SAMD5: variants seen among roughly 807,000 people sequenced by gnomAD.
The protein encoded by SAMD5 is sterile alpha motif domain containing 5, also known as sterile alpha motif domain-containing protein 5.
In SAMD5, 13 loss-of-function variants were observed where a neutral mutation model predicts 11.3. That is an observed-to-expected ratio of 1.15 (90% CI 0.75 to 1.83). SAMD5 has a LOEUF of 1.83. Ranked by LOEUF, SAMD5 falls within the 40% of genes most tolerant of loss-of-function variation. The probability of loss-of-function intolerance (pLI) is 0.00; values close to 1 mark genes in which losing one functional copy is unlikely to be tolerated. For missense variants in SAMD5, 255 were observed against 239.1 expected (o/e 1.07, Z -0.44); for synonymous variants, 129 against 111.3 (o/e 1.16, Z -1.00).
intron 1 of SAMD5, among the ~76,000 whole-genome samples, chr6:147,658,078 C>T (rs1486821616): frequency 6.6e-6 from 1 of 152,178 alleles, no homozygotes; most frequent in Non-Finnish European, 1.5e-5. Flanking sequence ...GGGACTTACA[C>T]AGGTGGTAAA....
chr6:147,900,437 G>A, the SAMD5 span, among the ~76,000 whole-genome samples: 32,111 of 152,074 alleles, frequency 0.21, 3,435 homozygotes, highest in Non-Finnish European at 0.23. Flanking sequence ...GCAAAAGTGT[G>A]CACACAGGTC....
intron 1 of SAMD5, among the ~76,000 whole-genome samples, chr6:147,678,959 C>A (rs188364625): frequency 6.6e-6 from 1 of 152,150 alleles, no homozygotes; most frequent in African/African-American, 2.4e-5. Context: ...CTCAATAGTT[C>A]ATTGCTTTTT....
At chr6:147,882,172 ATTC>A in the SAMD5 span, among the ~76,000 whole-genome samples, 1 of 152,200 alleles carries the variant, frequency 6.6e-6, no homozygotes, top group Admixed American at 6.5e-5. Flanking sequence ...AATGATTCCT[ATTC>A]TTTGTCCTCT....
chr6:147,949,507 G>C, the SAMD5 span, among the ~76,000 whole-genome samples: 1 of 152,292 alleles, frequency 6.6e-6, no homozygotes, highest in African/African-American at 2.4e-5. Context: ...TTGGGATAAA[G>C]TCTATTTTTA....
At chr6:147,658,418 T>G (rs1000124497) in intron 1 of SAMD5, among the ~76,000 whole-genome samples, 2 of 150,876 alleles carry the variant, frequency 1.3e-5, no homozygotes, top group African/African-American at 4.8e-5. Flanking sequence ...GGTTTATTTA[T>G]TTATTTATTC....
chr6:147,772,617 C>T, the SAMD5 span, among the ~76,000 whole-genome samples: 22 of 152,094 alleles, frequency 1.4e-4, no homozygotes, highest in African/African-American at 5.3e-4. Context: ...TTCCAGGCCT[C>T]AGTGCTTGGC....
At chr6:147,529,827 A>G (rs1414569984) in intron 1 of SAMD5, among the ~76,000 whole-genome samples, 1 of 152,236 alleles carries the variant, frequency 6.6e-6, no homozygotes, top group Non-Finnish European at 1.5e-5. Context: ...TTTGTACTAT[A>G]AGACTGTTTT....
intron 1 of SAMD5, among the ~76,000 whole-genome samples, chr6:147,521,864 A>G (rs1435464468): frequency 7.3e-6 from 1 of 137,326 alleles, no homozygotes; most frequent in Non-Finnish European, 1.6e-5. Context: ...AACAAGAACG[A>G]CAACTTTTTT....
intron 1 of SAMD5, among the ~76,000 whole-genome samples, chr6:147,730,809 C>T (rs1315131982): frequency 6.6e-6 from 1 of 152,116 alleles, no homozygotes; most frequent in Non-Finnish European, 1.5e-5. Context: ...CTACAGTGTT[C>T]TGTGTTTTGG....
At chr6:147,577,778 T>G (rs1405233170) in intron 1 of SAMD5, among the ~76,000 whole-genome samples, 1 of 151,828 alleles carries the variant, frequency 6.6e-6, no homozygotes, top group Non-Finnish European at 1.5e-5. Context: ...AAATAGCCAT[T>G]TTCATAAGGA....
chr6:147,809,184 A>T, the SAMD5 span, among the ~76,000 whole-genome samples: 2 of 151,838 alleles, frequency 1.3e-5, no homozygotes, highest in Non-Finnish European at 2.9e-5. Context: ...TTCCTTCTGC[A>T]TACATTATTT....
At chr6:147,839,559 G>A in the SAMD5 span, among the ~76,000 whole-genome samples, 2 of 152,056 alleles carry the variant, frequency 1.3e-5, no homozygotes, top group Non-Finnish European at 1.5e-5. Context: ...AGACCACCCC[G>A]GCCAACATGG....
chr6:147,812,281 T>C, the SAMD5 span, among the ~76,000 whole-genome samples: 1 of 152,206 alleles, frequency 6.6e-6, no homozygotes, highest in Non-Finnish European at 1.5e-5. Context: ...GCAGTGTTTA[T>C]ATGGAAGAGG....
the SAMD5 span, among the ~76,000 whole-genome samples, chr6:147,798,826 CCTT>C: frequency 1.3e-5 from 2 of 152,084 alleles, no homozygotes; most frequent in Non-Finnish European, 2.9e-5. Flanking sequence ...TATGTAATGG[CCTT>C]CTTTGTCTCT....
the SAMD5 span, among the ~76,000 whole-genome samples, chr6:147,788,612 C>T: frequency 2.6e-5 from 4 of 152,092 alleles, no homozygotes; most frequent in East Asian, 7.7e-4. Flanking sequence ...TCAATGTAGC[C>T]ACTTCCAATA....
At chr6:147,659,831 A>G (rs1562345335) in intron 1 of SAMD5, among the ~76,000 whole-genome samples, 1 of 152,132 alleles carries the variant, frequency 6.6e-6, no homozygotes, top group Non-Finnish European at 1.5e-5. Flanking sequence ...AACTTGTAGT[A>G]GCTGGAAACA....
At chr6:147,612,136 G>A (rs1023919336) in intron 1 of SAMD5, among the ~76,000 whole-genome samples, 2 of 152,126 alleles carry the variant, frequency 1.3e-5, no homozygotes, top group African/African-American at 4.8e-5. Context: ...GTGAATAGGT[G>A]GATTTATCTT....
chr6:147,532,206 A>T, intron 1 of SAMD5, among the ~76,000 whole-genome samples: 1 of 151,936 alleles, frequency 6.6e-6, no homozygotes, highest in South Asian at 2.1e-4. Flanking sequence ...TTAAGTGGTG[A>T]TTTCTGAGAT....
chr6:147,728,688 A>T (rs765279476), intron 1 of SAMD5, among the ~76,000 whole-genome samples: 13 of 152,178 alleles, frequency 8.5e-5, no homozygotes, highest in Non-Finnish European at 1.9e-4. Flanking sequence ...ATAAAAGGAG[A>T]CTTAACACAT....
Sources: allele counts gnomAD v4.1 joint callset (sites outside exome capture counted in the v4.1 genomes callset), GRCh38; gene constraint gnomAD v4.1.1; transcripts MANE v1.5; gene names NCBI Gene and HGNC (gene_info 2026-07-23, HGNC 2026-07-21).